Variants in NOP9 observed in about 807,000 individuals in gnomAD.
NOP9 encodes NOP9 nucleolar protein.
In NOP9, 50 loss-of-function variants were observed where a neutral mutation model predicts 63.0. The ratio of observed to expected loss-of-function variants is 0.79; its 90% CI spans 0.63 to 1.00. The LOEUF is 1.00. Ranked by LOEUF, NOP9 falls within the 50% of genes least tolerant of loss-of-function variation. The pLI is 0.00. For missense variants in NOP9, 758 were observed against 803.0 expected, an observed-to-expected ratio of 0.94 and a Z score of 0.68; for synonymous variants, 343 against 332.8, an observed-to-expected ratio of 1.03 and a Z score of -0.33.
Position 24,305,322 on chromosome 14 carries a change from G to C in NOP9, c.*227G>C, listed in dbSNP as rs1566414783. 3.6e-6 allele frequency: 2 copies of C among 560,324 alleles called. No homozygotes were observed. Among genetic ancestry groups the C allele is most frequent in the East Asian group, 6.2e-5 (2 of 32,294 alleles). The allele number at this position is 560,324 out of a possible 1,614,324, so 34.7% of individuals were successfully genotyped here. On this transcript the variant is annotated 3_prime_UTR_variant, in exon 10 of 10. Transcript: ENST00000267425. ...GGGGAGTTTAGGGACAGGAGGCATTGGTAGGGGATTAGATGTAGCAGCAGT... is the reference window on the plus strand; with the variant it reads ...GGGGAGTTTAGGGACAGGAGGCATTCGTAGGGGATTAGATGTAGCAGCAGT...
chr14:24,284,065 C>T, the NOP9 span, among the ~76,000 whole-genome samples: 1 of 152,154 alleles, frequency 6.6e-6, no homozygotes, highest in African/African-American at 2.4e-5. Flanking sequence ...ACTGAGGGGG[C>T]AAGGATGCTC....
At chr14:24,289,243 A>G in the NOP9 span, among the ~76,000 whole-genome samples, 9 of 152,078 alleles carry the variant, frequency 5.9e-5, no homozygotes, top group Non-Finnish European at 1.2e-4. Flanking sequence ...CGGCCTCCCA[A>G]AGTGCTGGGA....
chr14:24,306,584 T>G lies in NOP9; in HGVS notation c.*1489T>G. ...ATCCCATGCCCCTTCCCTCTTTAGC[T>G]GCCCAACATCCATCAGTTGGCTCTA... On this transcript the variant is annotated 3_prime_UTR_variant, in exon 10 of 10. Coordinates refer to ENST00000267425, the MANE Select transcript of NOP9 (RefSeq NM_174913.3). The G allele has an allele frequency of 6.2e-7, 1 of 1,606,298 alleles. No homozygotes were observed. The highest frequency in any genetic ancestry group is 8.5e-7 in the Non-Finnish European group (1 of 1,173,628).
At chr14:24,298,483 G>A (rs2139106152), upstream of NOP9, among the ~76,000 whole-genome samples, 1 of 152,332 alleles carries the variant, frequency 6.6e-6, no homozygotes, top group African/African-American at 2.4e-5. Context: ...AGTAAAAAAT[G>A]TGCAGTTCAA....
the NOP9 span, among the ~76,000 whole-genome samples, chr14:24,280,031 G>A: frequency 1.3e-5 from 2 of 152,226 alleles, no homozygotes; most frequent in African/African-American, 4.8e-5. Context: ...CTCAGGCCTC[G>A]CCCTTTCCCT....
chr14:24,278,279 C>G, the NOP9 span, among the ~76,000 whole-genome samples: 1 of 152,126 alleles, frequency 6.6e-6, no homozygotes, highest in Non-Finnish European at 1.5e-5. Context: ...CACCCATCAG[C>G]TCTATCTTAG....
chr14:24,303,836 G>A lies in NOP9; in HGVS notation c.1389G>A (p.Gly463=). The A allele has an allele frequency of 6.2e-7, 1 of 1,614,130 alleles. No homozygotes were observed. The highest frequency in any genetic ancestry group is 8.5e-7 in the Non-Finnish European group (1 of 1,180,008). Residue 463 remains glycine (G), a synonymous_variant, in exon 7 of 10, where the codon GGG becomes GGA. Transcript: ENST00000267425. Reference sequence around the variant, plus strand: ...ACTATGGACTGACGGAGGAGGAGGGGGCAGTGCCTGCAGAGCACCAGGTGA... The same window carrying A: ...ACTATGGACTGACGGAGGAGGAGGGAGCAGTGCCTGCAGAGCACCAGGTGA... ...EVYYGLTEEE[G]AVPAEHQVAM... is the part of the protein sequence containing the mutation.
Position 24,306,468 on chromosome 14 carries a change from C to G in NOP9, c.*1373C>G, listed in dbSNP as rs749125523. ...GAAGTCCTCACTGTCCACTGCAGTT[C>G]CATCCTCCTCTAGCACCAGGGTTAG... On this transcript the variant is annotated 3_prime_UTR_variant, in exon 10 of 10. Transcript: ENST00000267425. The G allele has an allele frequency of 6.2e-7, 1 of 1,614,246 alleles. No individual in the cohort carries two copies. The highest frequency in any genetic ancestry group is 1.3e-5 in the African/African-American group (1 of 75,074).
chr14:24,300,691 G>C lies in NOP9; in HGVS notation c.531G>C (p.Glu177Asp), dbSNP rs1311369479. 2 of 1,614,028 alleles carry C rather than the reference G, an allele frequency of 1.2e-6. No individual in the cohort carries two copies. Among genetic ancestry groups the C allele is most frequent in the South Asian group, 2.2e-5 (2 of 91,086 alleles). ...AGGATGGAAAGGATGGTCCCACGGAGACCCTGGAGGAGCTGGTCCTGGGAC... is the reference window on the plus strand; with the variant it reads ...AGGATGGAAAGGATGGTCCCACGGACACCCTGGAGGAGCTGGTCCTGGGAC... ...EEEDGKDGPTETLEELVLGLA... is the reference protein window; with the variant it reads ...EEEDGKDGPTDTLEELVLGLA... The change falls in exon 2 of 10, where the codon GAG becomes GAC. Residue 177 changes from glutamate (E) to aspartate (D), a missense_variant. Transcript: ENST00000267425.
At chr14:24,271,650 G>A in the NOP9 span, 2 of 152,860 alleles carry the variant, frequency 1.3e-5, no homozygotes, top group South Asian at 4.1e-4. Flanking sequence ...GCGCGTGCGC[G>A]GGGGCTCTGC....
chr14:24,304,895 C>T (rs1242955028), intron 9 of NOP9, 43 bp from the exon 10 acceptor site: 7 of 1,494,636 alleles, frequency 4.7e-6, no homozygotes, highest in Non-Finnish European at 6.2e-6. Flanking sequence ...TAGAGTCTGT[C>T]TTTGAGCATG....
At chr14:24,274,859 C>T in the NOP9 span, among the ~76,000 whole-genome samples, 5 of 148,786 alleles carry the variant, frequency 3.4e-5, no homozygotes, top group South Asian at 4.3e-4. Flanking sequence ...CTGCCTGCCT[C>T]GGCCTCCCAA....
the NOP9 span, chr14:24,290,950 TG>T: frequency 6.2e-7 from 1 of 1,613,970 alleles, no homozygotes; most frequent in Non-Finnish European, 8.5e-7. Flanking sequence ...GCCGGACACG[TG>T]TGAGAGAACA....
intron 5 of NOP9, among the ~76,000 whole-genome samples, chr14:24,302,791 A>G (rs2041400645): frequency 6.6e-6 from 1 of 152,024 alleles, no homozygotes; most frequent in Non-Finnish European, 1.5e-5. Flanking sequence ...GGTCTCATGC[A>G]TTGGGTGTTA....
Position 24,306,121 on chromosome 14 carries a change from T to C in NOP9, c.*1026T>C, listed in dbSNP as rs1302297582. 1 of 1,613,784 alleles carries C rather than the reference T, an allele frequency of 6.2e-7. No individual in the cohort carries two copies. The highest frequency in any genetic ancestry group is 1.3e-5 in the African/African-American group (1 of 74,918). On this transcript the variant is annotated 3_prime_UTR_variant, in exon 10 of 10. Transcript: ENST00000267425. ...CTTGGGCCTCTCCCGTCCCAGGCCA[T>C]ATGACAGCACTCCACTCTGTAGGAC...
chr14:24,298,025 G>A (rs1479308635), upstream of NOP9, among the ~76,000 whole-genome samples: 1 of 151,986 alleles, frequency 6.6e-6, no homozygotes, highest in Admixed American at 6.6e-5. Flanking sequence ...CTGACTTCCT[G>A]TTGGAATCTA....
At chr14:24,287,743 T>C in the NOP9 span, among the ~76,000 whole-genome samples, 33 of 152,164 alleles carry the variant, frequency 2.2e-4, no homozygotes, top group African/African-American at 7.5e-4. Flanking sequence ...GTCTGGTTAG[T>C]CTCGCCCCCT....
chr14:24,285,838 A>G, the NOP9 span, among the ~76,000 whole-genome samples: 1 of 152,080 alleles, frequency 6.6e-6, no homozygotes, highest in African/African-American at 2.4e-5. Flanking sequence ...AAATACAAAA[A>G]ATTAGCTGGG....
chr14:24,272,469 C>CT, the NOP9 span, among the ~76,000 whole-genome samples: 1 of 152,216 alleles, frequency 6.6e-6, no homozygotes, highest in Non-Finnish European at 1.5e-5. Context: ...CTTAAATACT[C>CT]TTTCTCTTCC....
Sources: gnomAD v4.1 joint callset for allele counts (sites outside exome capture counted in the v4.1 genomes callset) on GRCh38, gnomAD v4.1.1 for gene constraint, MANE v1.5 for transcripts, NCBI Gene and HGNC (gene_info 2026-07-23, HGNC 2026-07-21) for gene names.